Variants in GALNT7 observed in about 807,000 individuals in gnomAD.
GALNT7 encodes polypeptide N-acetylgalactosaminyltransferase 7, also known as N-acetylgalactosaminyltransferase 7.
In GALNT7, 60 loss-of-function variants were observed where a neutral mutation model predicts 82.1. The ratio of observed to expected loss-of-function variants is 0.73; its 90% CI spans 0.59 to 0.91. The LOEUF (loss-of-function observed/expected upper bound fraction) is 0.91, where lower values mean the gene tolerates loss of function less well. GALNT7 is among the 40% of genes least tolerant of loss of function. GALNT7 has a pLI of 0.00. For missense variants in GALNT7, 660 were observed against 804.2 expected (o/e 0.82, Z 2.17); for synonymous variants, 243 against 275.1 (o/e 0.88, Z 1.15).
chr4:173,202,516 A>G (rs1224749539), intron 1 of GALNT7, among the ~76,000 whole-genome samples: 3 of 152,170 alleles, frequency 2.0e-5, no homozygotes, highest in Non-Finnish European at 4.4e-5. Context: ...TTTCTTAGAT[A>G]ACCCTCTTCA....
At chr4:173,283,627 C>T (rs1419906947) in intron 2 of GALNT7, among the ~76,000 whole-genome samples, 2 of 146,236 alleles carry the variant, frequency 1.4e-5, no homozygotes, top group Admixed American at 1.4e-4. Context: ...CAGAGCGAAA[C>T]TCTGTCTGAA....
chr4:173,304,864 G>A (rs970329241), intron 8 of GALNT7, among the ~76,000 whole-genome samples: 2 of 151,476 alleles, frequency 1.3e-5, no homozygotes, highest in South Asian at 2.1e-4. Flanking sequence ...ATTATTTAAG[G>A]GTGCATAGTA....
intron 2 of GALNT7, among the ~76,000 whole-genome samples, chr4:173,273,484 A>G (rs961802302): frequency 2.0e-5 from 3 of 152,202 alleles, no homozygotes; most frequent in Non-Finnish European, 4.4e-5. Flanking sequence ...TCTTCACGCC[A>G]TGAATATTGT....
chr4:173,196,019 C>T (rs916351131), intron 1 of GALNT7, among the ~76,000 whole-genome samples: 2 of 152,064 alleles, frequency 1.3e-5, no homozygotes, highest in Non-Finnish European at 2.9e-5. Context: ...GATACTTACT[C>T]GCAAATTCCT....
At chr4:173,260,158 T>C (rs148883056) in intron 2 of GALNT7, among the ~76,000 whole-genome samples, 1 of 152,358 alleles carries the variant, frequency 6.6e-6, no homozygotes, top group African/African-American at 2.4e-5. Context: ...GTAACAATAC[T>C]ATGAGTCCTT....
intron 1 of GALNT7, among the ~76,000 whole-genome samples, chr4:173,184,406 G>C (rs181295340): frequency 2.0e-5 from 3 of 152,022 alleles, no homozygotes; most frequent in South Asian, 4.2e-4. Flanking sequence ...AGACCAGCCC[G>C]ACCAACACGG....
rs75063078 is a variant in GALNT7, at chr4:173,298,430, A to T, written c.1148+133A>T. 44 of 633,526 alleles carry T rather than the reference A, an allele frequency of 6.9e-5. No individual in the cohort carries two copies. The East Asian group carries it at 8.9e-4, about 13-fold the overall frequency. 39.2% of individuals were successfully genotyped at this position (633,526 alleles called of 1,614,324 possible). On this transcript the variant is annotated intron_variant, in intron 6 of 11. Coordinates refer to ENST00000265000, the MANE Select transcript of GALNT7 (RefSeq NM_017423.3). ...ATTCTGAAAGAACATCTTTCCTTAC[A>T]CTGTTTCAGAGCTTTCAATCTGCTC...
intron 2 of GALNT7, among the ~76,000 whole-genome samples, chr4:173,278,284 A>C (rs560897600): frequency 2.5e-4 from 38 of 152,364 alleles, no homozygotes; most frequent in Admixed American, 4.6e-4. Flanking sequence ...TATTTGAGTA[A>C]AGTGTTCAGA....
intron 1 of GALNT7, among the ~76,000 whole-genome samples, chr4:173,240,168 G>T (rs1734374444): frequency 6.6e-6 from 1 of 152,050 alleles, no homozygotes; most frequent in African/African-American, 2.4e-5. Context: ...TTAAGATTGG[G>T]TTCTGGTAAA....
intron 1 of GALNT7, among the ~76,000 whole-genome samples, chr4:173,236,436 C>A (rs1734232301): frequency 6.6e-6 from 1 of 152,328 alleles, no homozygotes; most frequent in East Asian, 1.9e-4. Context: ...TCTCTGACAA[C>A]ATCTTGGCTT....
At chr4:173,193,315 TAC>T (rs1263863185) in intron 1 of GALNT7, among the ~76,000 whole-genome samples, 1 of 152,184 alleles carries the variant, frequency 6.6e-6, no homozygotes, top group Non-Finnish European at 1.5e-5. Flanking sequence ...TAGAGTAACA[TAC>T]ACTCCTTACA....
At chr4:173,312,423 A>G (rs2126865781) in intron 8 of GALNT7, among the ~76,000 whole-genome samples, 1 of 152,332 alleles carries the variant, frequency 6.6e-6, no homozygotes, top group Non-Finnish European at 1.5e-5. Flanking sequence ...AGAGAGACCA[A>G]GGAAGCCAGA....
intron 2 of GALNT7, among the ~76,000 whole-genome samples, chr4:173,273,487 A>T (rs770180150): frequency 6.6e-5 from 10 of 152,182 alleles, no homozygotes; most frequent in Non-Finnish European, 8.8e-5. Context: ...TCACGCCATG[A>T]ATATTGTACT....
chr4:173,231,366 T>C (rs1294248467), intron 1 of GALNT7, among the ~76,000 whole-genome samples: 4 of 152,028 alleles, frequency 2.6e-5, no homozygotes, highest in African/African-American at 9.7e-5. Context: ...GCCCCTCGAG[T>C]TAATTGTTTT....
chr4:173,210,382 GT>G (rs1339327897), intron 1 of GALNT7, among the ~76,000 whole-genome samples: 1 of 152,170 alleles, frequency 6.6e-6, no homozygotes, highest in African/African-American at 2.4e-5. Flanking sequence ...CTGAAAAATG[GT>G]CACCTTTGCA....
At chr4:173,266,923 G>A (rs961330796) in intron 2 of GALNT7, among the ~76,000 whole-genome samples, 6 of 147,620 alleles carry the variant, frequency 4.1e-5, no homozygotes, top group African/African-American at 1.5e-4. Flanking sequence ...GTGTGTGTGT[G>A]TGTGGAGGGC....
At chr4:173,256,007 T>A (rs1367804154) in intron 2 of GALNT7, among the ~76,000 whole-genome samples, 1 of 152,226 alleles carries the variant, frequency 6.6e-6, no homozygotes, top group Admixed American at 6.5e-5. Context: ...TAAGTTTTTG[T>A]GGTTCATAGA....
At chr4:173,192,976 G>A (rs572872457) in intron 1 of GALNT7, among the ~76,000 whole-genome samples, 2 of 152,270 alleles carry the variant, frequency 1.3e-5, no homozygotes, top group African/African-American at 4.8e-5. Context: ...ACCAGGGTCA[G>A]CTCCTTATGC....
chr4:173,207,588 T>C lies in GALNT7; in HGVS notation c.126+38627T>C, dbSNP rs150317886. Among the ~76,000 whole-genome samples, 216 of 152,352 alleles carry C rather than the reference T, an allele frequency of 1.4e-3. 1 individual carries two copies. Among genetic ancestry groups the C allele is most frequent in the African/African-American group, 5.0e-3 (206 of 41,580 alleles). On this transcript the variant is annotated intron_variant, in intron 1 of 11. Transcript: ENST00000265000. Reference sequence around the variant, plus strand: ...ACCTCTCTGATGTTGTAAACAGTTCTGTGGTAAGAGTTGATGTAGCTAATT... The same window carrying C: ...ACCTCTCTGATGTTGTAAACAGTTCCGTGGTAAGAGTTGATGTAGCTAATT...
Sources: gnomAD v4.1 joint callset for allele counts (sites outside exome capture counted in the v4.1 genomes callset) on GRCh38, gnomAD v4.1.1 for gene constraint, MANE v1.5 for transcripts, NCBI Gene and HGNC (gene_info 2026-07-23, HGNC 2026-07-21) for gene names.